The following IRAK3 variants were observed in gnomAD, a reference collection of about 807,000 sequenced individuals.
The protein encoded by IRAK3 is interleukin 1 receptor associated kinase 3.
In IRAK3, 57 loss-of-function variants were observed where a neutral mutation model predicts 56.6. The ratio of observed to expected loss-of-function variants is 1.01; its 90% CI spans 0.81 to 1.26. IRAK3 has a LOEUF of 1.26. IRAK3 is among the 50% of genes most tolerant of loss of function. The pLI, the probability that IRAK3 is intolerant of heterozygous loss-of-function variation, is 0.00. For synonymous variants in IRAK3, 258 were observed against 255.7 expected, an observed-to-expected ratio of 1.01 and a Z score of -0.09; for missense variants, 703 against 719.0, an observed-to-expected ratio of 0.98 and a Z score of 0.25.
rs76941733 is a variant in IRAK3, at chr12:66,245,065, C to A, written c.1150-33C>A. The A allele has an allele frequency of 2.1e-4, 337 of 1,613,764 alleles. 2 individuals carry two copies. The African/African-American group carries it at 4.2e-3, about 20-fold the overall frequency. ...CTCTTGGTCATTTTTTGATCAAGTT[C>A]TCTGTGATAAAATTGTCTCCCTCTC... On this transcript the variant is annotated intron_variant, in intron 10 of 11. Transcript: ENST00000261233.
At chr12:66,236,395 C>CAAAAAAA (rs56074285) in intron 8 of IRAK3, among the ~76,000 whole-genome samples, 2 of 110,414 alleles carry the variant, frequency 1.8e-5, no homozygotes, top group Non-Finnish European at 1.8e-5. Context: ...CTAAAAATAC[C>CAAAAAAA]AAAAAAAAAA....
chr12:66,205,301 C>G (rs1194503213), intron 2 of IRAK3, among the ~76,000 whole-genome samples: 1 of 152,102 alleles, frequency 6.6e-6, no homozygotes, highest in Admixed American at 6.5e-5. Flanking sequence ...TAGTCTGTTG[C>G]ACATGCAACA....
intron 8 of IRAK3, chr12:66,235,096 G>A: frequency 6.2e-7 from 1 of 1,610,682 alleles, no homozygotes; most frequent in African/African-American, 1.3e-5. Context: ...GCAGTCCTCG[G>A]ATATAGAGGT....
Position 66,245,023 on chromosome 12 carries a change from TTC to T in IRAK3, c.1149+14_1149+15del. 6.2e-7 allele frequency: 1 copy of T among 1,613,966 alleles called. No individual in the cohort carries two copies. Among genetic ancestry groups the T allele is most frequent in the Non-Finnish European group, 8.5e-7 (1 of 1,179,848 alleles). On this transcript the variant is annotated intron_variant, in intron 10 of 11. Transcript: ENST00000261233. ...ACATATCCAGCTGGTAAGAATTGTT[TTC>T]ATCCTGGCACCTATCTCTTGGTCAT...
In IRAK3 at chr12:66,248,086, G is replaced by T; in HGVS notation, c.1706G>T (p.Gly569Val). The T allele has an allele frequency of 6.2e-7, 1 of 1,600,714 alleles. No homozygotes were observed. Among genetic ancestry groups the T allele is most frequent in the Non-Finnish European group, 8.5e-7 (1 of 1,174,952 alleles). Residue 569 changes from glycine (G) to valine (V), a missense_variant, in exon 12 of 12, where the codon GGG (glycine) becomes GTG (valine). Transcript: ENST00000261233. ...ATAGATCCTTCTTCAGAAGCTCCAG[G>T]GCATTCTTGCAGGAGCAGGCCAGTG... ...VNIDPSSEAPGHSCRSRPVES... is the reference protein window; with the variant it reads ...VNIDPSSEAPVHSCRSRPVES...
At position 66,189,288 on chromosome 12, in the gene IRAK3, G is replaced by T; in HGVS notation, c.-12G>T. ...GACTCCGCCTCGTCCCCGGGGCTCGGGCAGCCGAGCCATGGCGGGGAACTG... is the reference window on the plus strand; with the variant it reads ...GACTCCGCCTCGTCCCCGGGGCTCGTGCAGCCGAGCCATGGCGGGGAACTG... On this transcript the variant is annotated 5_prime_UTR_variant, in exon 1 of 12. Coordinates refer to ENST00000261233, the MANE Select transcript of IRAK3 (RefSeq NM_007199.3). 1 of 1,535,520 alleles carries T rather than the reference G, an allele frequency of 6.5e-7. No homozygotes were observed. Among genetic ancestry groups the T allele is most frequent in the Non-Finnish European group, 8.7e-7 (1 of 1,147,336 alleles).
In IRAK3 at chr12:66,228,850, T is replaced by A. The variant is rs183819001; in HGVS notation, c.887+480T>A. On this transcript the variant is annotated intron_variant, in intron 8 of 11. Transcript: ENST00000261233. ...AGCACTAGATGATTTTACCCAACTGTAGGCTAATATAATTGTCCTGAGCAC... is the reference window on the plus strand; with the variant it reads ...AGCACTAGATGATTTTACCCAACTGAAGGCTAATATAATTGTCCTGAGCAC... Among the ~76,000 whole-genome samples, 315 of 152,318 alleles carry A rather than the reference T, an allele frequency of 2.1e-3. 3 individuals carry two copies. In the East Asian group the frequency reaches 0.051, roughly 25 times the overall value.
rs201535738 is a variant in IRAK3 at position 66,228,351 on chromosome 12, A to T, written c.868A>T (p.Ile290Phe). Residue 290 changes from isoleucine (I) to phenylalanine (F), a missense_variant, in exon 8 of 12, where the codon ATC (isoleucine) becomes TTC (phenylalanine). Ile to Phe is a conservative substitution (Grantham distance 21). Transcript: ENST00000261233. Reference sequence around the variant, plus strand: ...GCACAACGTTCAACCATGCTCGGTCATCTGTGGCAGTATATCAAGGTAAAT... The same window carrying T: ...GCACAACGTTCAACCATGCTCGGTCTTCTGTGGCAGTATATCAAGGTAAAT... ...YLHNVQPCSVICGSISSANIL... is the reference protein window; with the variant it reads ...YLHNVQPCSVFCGSISSANIL... The T allele has an allele frequency of 3.7e-6, 6 of 1,612,972 alleles. No homozygotes were observed. The highest frequency in any genetic ancestry group is 5.1e-6 in the Non-Finnish European group (6 of 1,179,024).
intron 11 of IRAK3, among the ~76,000 whole-genome samples, chr12:66,245,693 T>A (rs1047745176): frequency 6.6e-6 from 1 of 151,694 alleles, no homozygotes; most frequent in Non-Finnish European, 1.5e-5. Context: ...CCACCACGCC[T>A]GGCTAATTTT....
rs1037202285 is a variant in IRAK3 at position 66,190,659 on chromosome 12, A to G, written c.133+1227A>G. Among the ~76,000 whole-genome samples, 6 of 152,208 alleles carry G rather than the reference A, an allele frequency of 3.9e-5. No individual in the cohort carries two copies. In the East Asian group the frequency reaches 9.6e-4, roughly 24 times the overall value. On this transcript the variant is annotated intron_variant, in intron 1 of 11. Coordinates refer to ENST00000261233, the MANE Select transcript of IRAK3 (RefSeq NM_007199.3). ...CTGTTGATAGCATTGAAATCCAGAT[A>G]TTCATGCTTTACATGGCTTGTCTCA...
intron 7 of IRAK3, among the ~76,000 whole-genome samples, chr12:66,227,220 A>G (rs947318629): frequency 5.9e-5 from 9 of 152,228 alleles, no homozygotes; most frequent in African/African-American, 1.9e-4. Flanking sequence ...TTCAATACAA[A>G]GGATCACCAT....
chr12:66,189,383 C>T lies in IRAK3; in HGVS notation c.84C>T (p.Leu28=), dbSNP rs953340299. The change falls in exon 1 of 12, where the codon CTC becomes CTT. Residue 28 remains leucine, a synonymous_variant. Coordinates refer to ENST00000261233, the MANE Select transcript of IRAK3 (RefSeq NM_007199.3). ...FDLPPALLGE[L]CAVLDSCDGA... ...TGCCGCCCGCGCTGCTCGGAGAGCT[C>T]TGCGCTGTTCTGGACAGCTGCGACG... 1.9e-5 allele frequency: 29 copies of T among 1,527,658 alleles called. No homozygotes were observed. Among genetic ancestry groups the T allele is most frequent in the Non-Finnish European group, 2.1e-5 (24 of 1,143,292 alleles). 94.6% of individuals were successfully genotyped at this position (1,527,658 alleles called of 1,614,324 possible). A position where few individuals can be genotyped will look rare whatever the true frequency, so the allele number is the denominator to read the frequency against.
chr12:66,220,511 T>TTTCTTC (rs1555203800), intron 6 of IRAK3, among the ~76,000 whole-genome samples: 5 of 96,008 alleles, frequency 5.2e-5, no homozygotes, highest in Admixed American at 1.6e-4. Context: ...TTTGTTCTTC[T>TTTCTTC]TTCTTTTTTT....
intron 8 of IRAK3, among the ~76,000 whole-genome samples, chr12:66,233,617 G>A (rs1194909706): frequency 2.0e-5 from 3 of 151,740 alleles, no homozygotes; most frequent in African/African-American, 7.2e-5. Flanking sequence ...CATGGGTGAA[G>A]TCGGACTAGT....
chr12:66,247,854 TC>T lies in IRAK3; in HGVS notation c.1475del (p.Ser492LeufsTer5). ...DESQNNNLLPSDEGLRIDRMT... is the reference protein window; with the variant it reads ...DESQNNNLLPXDEGLRIDRMT... ...AAGCCAGAATAACAATTTACTACCT[TC>T]TGATGAAGGCCTGAGGATAGACAGA... is the stretch of plus-strand genomic sequence containing the variant. On this transcript the variant is annotated frameshift_variant, in exon 12 of 12. Transcript: ENST00000261233. LOFTEE classifies it low-confidence loss of function (END_TRUNC). The T allele has an allele frequency of 6.2e-7, 1 of 1,614,198 alleles. No homozygotes were observed. The highest frequency in any genetic ancestry group is 8.5e-7 in the Non-Finnish European group (1 of 1,180,034).
At chr12:66,215,685 G>A (rs1324971591) in intron 5 of IRAK3, among the ~76,000 whole-genome samples, 24 of 152,034 alleles carry the variant, frequency 1.6e-4, no homozygotes. Context: ...AAGTCTTACT[G>A]TCTCTACATA....
chr12:66,227,845 G>A (rs2052804274), intron 7 of IRAK3, among the ~76,000 whole-genome samples: 2 of 151,922 alleles, frequency 1.3e-5, no homozygotes, highest in Admixed American at 6.6e-5. Context: ...CTCGTTAGAT[G>A]TCTTTGGAGG....
Position 66,252,745 on chromosome 12 carries a change from G to A in IRAK3, c.*4574G>A, listed in dbSNP as rs1323910741. On this transcript the variant is annotated 3_prime_UTR_variant, in exon 12 of 12. Transcript: ENST00000261233. ...CTGCCAGCTCTTCCAAATGGGTTCA[G>A]AGAGGTTTTCTCCTTGTCCTGTTGT... 6.6e-6 allele frequency: 1 copy of A among 152,306 alleles called. No individual in the cohort carries two copies. Among genetic ancestry groups the A allele is most frequent in the East Asian group, 1.9e-4 (1 of 5,202 alleles). The allele number at this position is 152,306 out of a possible 1,614,324, so 9.4% of individuals were successfully genotyped here.
chr12:66,211,007 C>A (rs541182596), intron 4 of IRAK3, among the ~76,000 whole-genome samples: 1 of 152,232 alleles, frequency 6.6e-6, no homozygotes, highest in East Asian at 1.9e-4. Context: ...GTAAATTAGG[C>A]AGTTAGAGGA....
Sources: allele counts gnomAD v4.1 joint callset (sites outside exome capture counted in the v4.1 genomes callset), GRCh38; gene constraint gnomAD v4.1.1; transcripts MANE v1.5; gene names NCBI Gene and HGNC (gene_info 2026-07-23, HGNC 2026-07-21).